TSHZ2: variants seen among roughly 807,000 people sequenced by gnomAD.
TSHZ2 encodes the protein teashirt homolog 2.
Under a neutral mutation model 74.4 loss-of-function variants are expected in TSHZ2, and 21 were observed. The ratio of observed to expected loss-of-function variants is 0.28; its 90% CI spans 0.20 to 0.41. The LOEUF (loss-of-function observed/expected upper bound fraction) is 0.41, where lower values mean the gene tolerates loss of function less well. TSHZ2 is among the 10% of genes least tolerant of loss of function. The probability of loss-of-function intolerance (pLI) is 1.00; values close to 1 mark genes in which losing one functional copy is unlikely to be tolerated. For synonymous variants in TSHZ2, 540 were observed against 515.3 expected, an observed-to-expected ratio of 1.05 and a Z score of -0.65; for missense variants, 1,244 against 1,293.5, an observed-to-expected ratio of 0.96 and a Z score of 0.59.
Position 53,096,806 on chromosome 20 carries a change from C to T in TSHZ2, c.40+123473C>T, listed in dbSNP as rs567562563. The stretch of plus-strand genomic sequence containing the variant: ...CTGAGGCAGGAGAATCGCTTGAAAT[C>T]GGGAGGCAGAGGTAGCAGTGAGGTG... On this transcript the variant is annotated intron_variant, in intron 1 of 2. Coordinates refer to ENST00000371497, the MANE Select transcript of TSHZ2 (RefSeq NM_173485.6). 2.0e-4 allele frequency among the ~76,000 whole-genome samples: 30 copies of T among 151,808 alleles called. No individual in the cohort carries two copies. In the South Asian group the frequency reaches 5.4e-3, roughly 27 times the overall value.
chr20:53,433,664 G>A lies in TSHZ2; in HGVS notation c.*9-53480G>A, dbSNP rs150062888. ...GGAAGAAGAGTGAAATGGATATTCC[G>A]TAGGTAACTAATGGTATCTGTCCCA... is the stretch of plus-strand genomic sequence containing the variant. On this transcript the variant is annotated intron_variant, in intron 2 of 2. Transcript: ENST00000371497. Among the ~76,000 whole-genome samples the A allele has an allele frequency of 7.6e-3, 1,149 of 150,674 alleles. 16 individuals are homozygous for A. Among genetic ancestry groups the A allele is most frequent in the African/African-American group, 0.026 (1,080 of 40,768 alleles).
At chr20:53,230,398 T>C (rs779732590) in intron 1 of TSHZ2, among the ~76,000 whole-genome samples, 13 of 152,142 alleles carry the variant, frequency 8.5e-5, no homozygotes, top group Non-Finnish European at 1.3e-4. Context: ...CAAATAACCA[T>C]TCACATCAAC....
chr20:53,001,242 G>A (rs1438568191), intron 1 of TSHZ2, among the ~76,000 whole-genome samples: 2 of 149,914 alleles, frequency 1.3e-5, no homozygotes, highest in African/African-American at 5.0e-5. Context: ...GTGTGTGTGT[G>A]TGTGTGTGTG....
intron 2 of TSHZ2, among the ~76,000 whole-genome samples, chr20:53,296,637 TCTTC>T (rs1294999992): frequency 6.6e-6 from 1 of 152,222 alleles, no homozygotes; most frequent in Non-Finnish European, 1.5e-5. Flanking sequence ...TTTGTTCTGT[TCTTC>T]CTTGGTCTGA....
Position 53,113,912 on chromosome 20 carries a change from T to C in TSHZ2, c.41-139587T>C, listed in dbSNP as rs377513893. Reference sequence around the variant, plus strand: ...CTCAGCAGTGGCTCTTTGACACCTCTCAATGCATGGTACCAAAAAAAAAGG... The same window carrying C: ...CTCAGCAGTGGCTCTTTGACACCTCCCAATGCATGGTACCAAAAAAAAAGG... On this transcript the variant is annotated intron_variant, in intron 1 of 2. Transcript: ENST00000371497. 2.1e-4 allele frequency among the ~76,000 whole-genome samples: 32 copies of C among 152,088 alleles called. No homozygotes were observed. In the South Asian group the frequency reaches 6.6e-3, roughly 32 times the overall value.
At chr20:53,410,543 A>G (rs1983015408) in intron 2 of TSHZ2, among the ~76,000 whole-genome samples, 1 of 151,828 alleles carries the variant, frequency 6.6e-6, no homozygotes, top group Non-Finnish European at 1.5e-5. Flanking sequence ...CTTGGCATAC[A>G]TAACAACCTA....
At chr20:53,154,848 C>T (rs1253073836) in intron 1 of TSHZ2, among the ~76,000 whole-genome samples, 1 of 152,246 alleles carries the variant, frequency 6.6e-6, no homozygotes, top group Middle Eastern at 3.4e-3. Context: ...GAATAATCAG[C>T]AACCAAAAAC....
In TSHZ2 at chr20:53,313,613, G is replaced by A. The variant is rs868509909; in HGVS notation, c.*8+57042G>A. On this transcript the variant is annotated intron_variant, in intron 2 of 2. Coordinates refer to ENST00000371497, the MANE Select transcript of TSHZ2 (RefSeq NM_173485.6). ...TTCCAAACCTCTTTAAATTTGTCTCGTCTATGGAATAGGAAGGTAAAGTGA... is the reference window on the plus strand; with the variant it reads ...TTCCAAACCTCTTTAAATTTGTCTCATCTATGGAATAGGAAGGTAAAGTGA... Among the ~76,000 whole-genome samples, 7 of 152,238 alleles carry A rather than the reference G, an allele frequency of 4.6e-5. No homozygotes were observed. The East Asian group carries it at 1.2e-3, about 25-fold the overall frequency.
intron 2 of TSHZ2, among the ~76,000 whole-genome samples, chr20:53,315,776 A>G (rs1046427589): frequency 2.6e-5 from 4 of 152,230 alleles, no homozygotes; most frequent in Non-Finnish European, 5.9e-5. Context: ...TAATAAATAA[A>G]TAACTAATCC....
intron 2 of TSHZ2, among the ~76,000 whole-genome samples, chr20:53,371,734 G>A (rs1266421883): frequency 6.6e-6 from 1 of 151,534 alleles, no homozygotes; most frequent in African/African-American, 2.4e-5. Flanking sequence ...AAGTTAGCGG[G>A]GCATGGTGGC....
chr20:53,466,682 T>C (rs189571548), intron 2 of TSHZ2, among the ~76,000 whole-genome samples: 13 of 152,234 alleles, frequency 8.5e-5, no homozygotes, highest in Non-Finnish European at 1.6e-4. Flanking sequence ...ATGACAATTG[T>C]CAAGTGTTAA....
At chr20:53,084,158 C>T (rs569736098) in intron 1 of TSHZ2, among the ~76,000 whole-genome samples, 4 of 152,148 alleles carry the variant, frequency 2.6e-5, no homozygotes, top group Non-Finnish European at 5.9e-5. Flanking sequence ...ACAAAATACA[C>T]AGCAATTACT....
intron 1 of TSHZ2, among the ~76,000 whole-genome samples, chr20:52,989,496 T>A (rs1034817390): frequency 6.6e-6 from 1 of 152,220 alleles, no homozygotes; most frequent in Non-Finnish European, 1.5e-5. Flanking sequence ...ATAAAATAAT[T>A]AAGCTTTACA....
chr20:53,416,807 C>T (rs1983269801), intron 2 of TSHZ2, among the ~76,000 whole-genome samples: 1 of 152,222 alleles, frequency 6.6e-6, no homozygotes, highest in Non-Finnish European at 1.5e-5. Flanking sequence ...TCCATTGATT[C>T]TGTTTTGACT....
At chr20:53,033,651 C>CTTTTTTTTTTT (rs61445726) in intron 1 of TSHZ2, among the ~76,000 whole-genome samples, 17 of 59,024 alleles carry the variant, frequency 2.9e-4, no homozygotes, top group Non-Finnish European at 4.8e-4. Flanking sequence ...TGATAAAAAG[C>CTTTTTTTTTTT]TTTTTTTTTT....
intron 1 of TSHZ2, among the ~76,000 whole-genome samples, chr20:53,115,983 T>C (rs1292186890): frequency 3.3e-5 from 5 of 152,188 alleles, no homozygotes; most frequent in African/African-American, 4.8e-5. Flanking sequence ...TGGGCTGCTG[T>C]GGTTACAGTC....
At chr20:53,305,529 A>G (rs1237827020) in intron 2 of TSHZ2, among the ~76,000 whole-genome samples, 1 of 152,198 alleles carries the variant, frequency 6.6e-6, no homozygotes, top group African/African-American at 2.4e-5. Flanking sequence ...CGCTCCTTAT[A>G]CAAATGTCTG....
rs574499596 is a variant in TSHZ2 at position 53,038,077 on chromosome 20, G to A, written c.40+64744G>A. 3.0e-4 allele frequency among the ~76,000 whole-genome samples: 46 copies of A among 151,646 alleles called. 2 individuals are homozygous for A. In the South Asian group the frequency reaches 8.8e-3, roughly 29 times the overall value. ...GGGGAGGGAACGACAGCCTGCCCGG[G>A]GCTAAAAGAAACTGCCCAACAAGAG... is the stretch of plus-strand genomic sequence containing the variant. On this transcript the variant is annotated intron_variant, in intron 1 of 2. Coordinates refer to ENST00000371497, the MANE Select transcript of TSHZ2 (RefSeq NM_173485.6).
rs746136673 is a variant in TSHZ2, at chr20:53,238,836, TAAAAAAAAAAAAAAAA to T, written c.41-14653_41-14638del. Among the ~76,000 whole-genome samples, 120 of 66,026 alleles carry T rather than the reference TAAAAAAAAAAAAAAAA, an allele frequency of 1.8e-3. 3 individuals are homozygous for T. The highest frequency in any genetic ancestry group is 6.4e-3 in the African/African-American group (105 of 16,494). The allele number at this position is 66,026 out of a possible 152,430, so 43.3% of individuals were successfully genotyped here. ...GTCAGTCCCAAGTCAATCTTATATC[TAAAAAAAAAAAAAAAA>T]AAAAAAAAAGAGCTACGCTACCTAC... On this transcript the variant is annotated intron_variant, in intron 1 of 2. Transcript: ENST00000371497.
Sources: gnomAD v4.1 joint callset for allele counts (sites outside exome capture counted in the v4.1 genomes callset) on GRCh38, gnomAD v4.1.1 for gene constraint, MANE v1.5 for transcripts, NCBI Gene and HGNC (gene_info 2026-07-23, HGNC 2026-07-21) for gene names.